The following PCDHGA7 variants were observed in gnomAD, a reference collection of about 807,000 sequenced individuals.
The protein encoded by PCDHGA7 is protocadherin gamma-A7.
In PCDHGA7, 44 loss-of-function variants were observed where a neutral mutation model predicts 58.3. The observed-to-expected ratio is 0.75, with a 90% CI of 0.59 to 0.97. The LOEUF is 0.97. Ranked by LOEUF, PCDHGA7 falls within the 50% of genes least tolerant of loss-of-function variation. PCDHGA7 has a pLI of 0.00. For missense variants in PCDHGA7, 1,266 were observed against 1,188.7 expected (o/e 1.06, Z -0.96); for synonymous variants, 516 against 504.2 (o/e 1.02, Z -0.31).
chr5:141,469,581 A>G (rs543624370), intron 1 of PCDHGA7, among the ~76,000 whole-genome samples: 1 of 152,340 alleles, frequency 6.6e-6, no homozygotes, highest in Admixed American at 6.5e-5. Flanking sequence ...CTCTAAATAA[A>G]TAAATAAATA....
chr5:141,461,228 A>C (rs1472527415), intron 1 of PCDHGA7, among the ~76,000 whole-genome samples: 1 of 151,976 alleles, frequency 6.6e-6, no homozygotes, highest in Non-Finnish European at 1.5e-5. Flanking sequence ...TTTTCCATAG[A>C]GGTTGTACTA....
At chr5:141,386,590 G>A (rs1589020136) in intron 1 of PCDHGA7, among the ~76,000 whole-genome samples, 1 of 151,604 alleles carries the variant, frequency 6.6e-6, no homozygotes, top group Non-Finnish European at 1.5e-5. Context: ...TAGTGTGGGG[G>A]ATACATTTTT....
At chr5:141,420,025 T>A in intron 1 of PCDHGA7, 1 of 1,614,096 alleles carries the variant, frequency 6.2e-7, no homozygotes, top group Non-Finnish European at 8.5e-7. Context: ...TCAGCCCTAC[T>A]GCAGGAGACT....
intron 1 of PCDHGA7, chr5:141,397,962 A>G (rs968992832): frequency 2.0e-5 from 21 of 1,036,912 alleles, no homozygotes; most frequent in Non-Finnish European, 2.8e-5. Flanking sequence ...CCCAGCTCAG[A>G]CTCCCCAGCG....
At chr5:141,409,545 A>G in intron 1 of PCDHGA7, 1 of 1,613,938 alleles carries the variant, frequency 6.2e-7, no homozygotes, top group African/African-American at 1.3e-5. Flanking sequence ...ATCAACGACA[A>G]CGCCCCAGTT....
chr5:141,441,280 G>A (rs2098237221), intron 1 of PCDHGA7: 1 of 152,090 alleles, frequency 6.6e-6, no homozygotes, highest in East Asian at 1.9e-4. Flanking sequence ...GGGAGAAAAC[G>A]AGGTCACATG....
rs1554116833 is a variant in PCDHGA7, at chr5:141,423,756, G to GGT, written c.2424+38434_2424+38435insTG. 2.2e-4 allele frequency: 100 copies of GGT among 448,536 alleles called. 2 individuals carry two copies. The highest frequency in any genetic ancestry group is 2.1e-3 in the African/African-American group (74 of 35,668). The allele number at this position is 448,536 out of a possible 1,614,324, so 27.8% of individuals were successfully genotyped here. On this transcript the variant is annotated intron_variant, in intron 1 of 3. Coordinates refer to ENST00000518325, the MANE Select transcript of PCDHGA7 (RefSeq NM_018920.4). ...GCCTGTTATGAAAACTGTTTGGGGG[G>GGT]GGGGTGGGGCGGCATATATTTAGTT...
chr5:141,493,641 G>A lies in PCDHGA7; in HGVS notation c.2425-1166G>A, dbSNP rs547664603. Among the ~76,000 whole-genome samples, 2 of 152,240 alleles carry A rather than the reference G, an allele frequency of 1.3e-5. No individual in the cohort carries two copies. The highest frequency in any genetic ancestry group is 3.9e-4 in the East Asian group (2 of 5,172). On this transcript the variant is annotated intron_variant, in intron 1 of 3. Coordinates refer to ENST00000518325, the MANE Select transcript of PCDHGA7 (RefSeq NM_018920.4). The surrounding 1 kb of genome is among the most constrained non-coding windows in gnomAD (Gnocchi z 4.3). The stretch of plus-strand genomic sequence containing the variant: ...CTAAGAATACAGTGGCTGAGGGCTG[G>A]CCATCCCTGTGCCCTTCTCCATGGC...
chr5:141,505,041 C>T (rs1028101225), intron 2 of PCDHGA7, among the ~76,000 whole-genome samples: 4 of 152,142 alleles, frequency 2.6e-5, no homozygotes, highest in African/African-American at 9.7e-5. Flanking sequence ...AGGTGCCTGT[C>T]ATCCCAGCTA....
At chr5:141,461,507 T>C (rs1271911872) in intron 1 of PCDHGA7, among the ~76,000 whole-genome samples, 1 of 152,316 alleles carries the variant, frequency 6.6e-6, no homozygotes, top group East Asian at 1.9e-4. Context: ...TTCTTGGTGA[T>C]TTGTTAGTTC....
chr5:141,409,781 G>A lies in PCDHGA7; in HGVS notation c.2424+24458G>A, dbSNP rs753415525. On this transcript the variant is annotated intron_variant, in intron 1 of 3. Transcript: ENST00000518325. ...CGCCTTTGATCACGAGCAGCTGCGC[G>A]CCTTCGCGCTCACGCTGCAGGCCCG... is the stretch of plus-strand genomic sequence containing the variant. The A allele has an allele frequency of 8.7e-6, 14 of 1,612,178 alleles. No individual in the cohort carries two copies. The highest frequency in any genetic ancestry group is 6.7e-5 in the Admixed American group (4 of 59,882).
intron 1 of PCDHGA7, chr5:141,403,680 C>A: frequency 6.2e-7 from 1 of 1,613,846 alleles, no homozygotes; most frequent in Non-Finnish European, 8.5e-7. Context: ...CCGGTTTTTG[C>A]TCAACGGATT....
At chr5:141,443,665 AACT>A (rs2154560310) in intron 1 of PCDHGA7, among the ~76,000 whole-genome samples, 1 of 152,358 alleles carries the variant, frequency 6.6e-6, no homozygotes, top group African/African-American at 2.4e-5. Context: ...CATTTTACTG[AACT>A]AGTAGTTTAC....
At chr5:141,389,387 C>T in intron 1 of PCDHGA7, 1 of 1,613,724 alleles carries the variant, frequency 6.2e-7, no homozygotes, top group Non-Finnish European at 8.5e-7. Context: ...AGCTGTCATC[C>T]TACGTGTCCA....
intron 1 of PCDHGA7, chr5:141,409,924 C>A (rs760490649): frequency 6.2e-7 from 1 of 1,613,416 alleles, no homozygotes; most frequent in Admixed American, 1.7e-5. Flanking sequence ...GCTCCGCGTT[C>A]TTCGATATGG....
At chr5:141,397,961 G>A in intron 1 of PCDHGA7, 1 of 1,038,400 alleles carries the variant, frequency 9.6e-7, no homozygotes, top group Non-Finnish European at 1.4e-6. Context: ...CCCCAGCTCA[G>A]ACTCCCCAGC....
chr5:141,460,822 C>A (rs2098998601), intron 1 of PCDHGA7, among the ~76,000 whole-genome samples: 2 of 151,502 alleles, frequency 1.3e-5, no homozygotes, highest in South Asian at 4.1e-4. Context: ...TACATATATA[C>A]ACACTTAAAG....
In PCDHGA7 at chr5:141,491,556, C is replaced by T. The variant is rs2099720720; in HGVS notation, c.2425-3251C>T. The T allele has an allele frequency of 1.2e-6, 2 of 1,613,848 alleles. No homozygotes were observed. The highest frequency in any genetic ancestry group is 1.7e-5 in the Admixed American group (1 of 60,000). ...TGCGGCCCACAGACTCGCAGAGCCA[C>T]TGCTACAGGACGTGCTTTTCACCGG... On this transcript the variant is annotated intron_variant, in intron 1 of 3. Transcript: ENST00000518325. The surrounding 1 kb of genome is among the most constrained non-coding windows in gnomAD (Gnocchi z 6.9).
At position 141,438,956 on chromosome 5, in the gene PCDHGA7, G is replaced by A. The variant is rs140181975; in HGVS notation, c.2424+53633G>A. 3.9e-3 allele frequency among the ~76,000 whole-genome samples: 592 copies of A among 151,974 alleles called. 6 individuals are homozygous for A. Among genetic ancestry groups the A allele is most frequent in the Admixed American group, 0.011 (171 of 15,242 alleles). On this transcript the variant is annotated intron_variant, in intron 1 of 3. Coordinates refer to ENST00000518325, the MANE Select transcript of PCDHGA7 (RefSeq NM_018920.4). ...GCTGGGATTATAGGCATGAGCCACCGCACCCTGCCAACTGTCTGACTTATC... is the reference window on the plus strand; with the variant it reads ...GCTGGGATTATAGGCATGAGCCACCACACCCTGCCAACTGTCTGACTTATC...
Sources: gnomAD v4.1 joint callset for allele counts (sites outside exome capture counted in the v4.1 genomes callset) on GRCh38, gnomAD v4.1.1 for gene constraint, Gnocchi (gnomAD v3.1) non-coding constraint, MANE v1.5 for transcripts, NCBI Gene and HGNC (gene_info 2026-07-23, HGNC 2026-07-21) for gene names.